BAHCC1: variants seen among roughly 807,000 people sequenced by gnomAD.
BAHCC1 encodes the protein BAH and coiled-coil domain-containing protein 1.
Under a neutral mutation model 88.2 loss-of-function variants are expected in BAHCC1, and 43 were observed. The observed-to-expected ratio is 0.49, with a 90% CI of 0.38 to 0.63. The LOEUF (loss-of-function observed/expected upper bound fraction) is 0.63, where lower values mean the gene tolerates loss of function less well. BAHCC1 is among the 20% of genes least tolerant of loss of function. The probability of loss-of-function intolerance (pLI) is 0.00; values close to 1 mark genes in which losing one functional copy is unlikely to be tolerated. For synonymous variants in BAHCC1, 1,510 were observed against 745.5 expected (o/e 2.03, Z -16.71); for missense variants, 3,023 against 1,654.8 (o/e 1.83, Z -14.34).
Position 81,441,995 on chromosome 17 carries a change from G to T in BAHCC1, c.646G>T (p.Asp216Tyr), listed in dbSNP as rs369843602. 11 of 744,436 alleles carry T rather than the reference G, an allele frequency of 1.5e-5. No individual in the cohort carries two copies. The highest frequency in any genetic ancestry group is 2.8e-5 in the Non-Finnish European group (11 of 395,558). 46.1% of individuals were successfully genotyped at this position (744,436 alleles called of 1,614,324 possible). A position where few individuals can be genotyped will look rare whatever the true frequency, so the allele number is the denominator to read the frequency against. Reference protein sequence around the residue: ...GSLQKGPKDFDRFLVGKELGR... With the variant: ...GSLQKGPKDFYRFLVGKELGR... ...CCTGCAGAAGGGCCCCAAGGACTTC[G>T]ACCGCTTCCTCGTGGGCAAAGAGCT... Residue 216 changes from aspartate to tyrosine, a missense_variant, in exon 5 of 28, where the codon GAC (aspartate) becomes TAC (tyrosine). By Grantham distance (160) the Asp-to-Tyr change is radical (BLOSUM62 -3). Transcript: ENST00000675386.
intron 11 of BAHCC1, among the ~76,000 whole-genome samples, chr17:81,450,236 C>A (rs1040307384): frequency 6.6e-6 from 1 of 152,250 alleles, no homozygotes; most frequent in East Asian, 1.9e-4. Flanking sequence ...CACCCACCCC[C>A]ACCGCAAGGT....
At chr17:81,412,459 A>G (rs1598458000) in intron 2 of BAHCC1, among the ~76,000 whole-genome samples, 1 of 152,242 alleles carries the variant, frequency 6.6e-6, no homozygotes, top group Non-Finnish European at 1.5e-5. Flanking sequence ...TGAGAGTTTG[A>G]TGGTAAATAC....
chr17:81,443,802 T>C lies in BAHCC1; in HGVS notation c.2216-7T>C. 1 of 709,964 alleles carries C rather than the reference T, an allele frequency of 1.4e-6. No individual in the cohort carries two copies. The highest frequency in any genetic ancestry group is 2.6e-6 in the Non-Finnish European group (1 of 384,678). 44.0% of individuals were successfully genotyped at this position (709,964 alleles called of 1,614,324 possible). On this transcript the variant is annotated splice_polypyrimidine_tract_variant and splice_region_variant and intron_variant, in intron 5 of 27. Transcript: ENST00000675386. ...CCTCTCCCGTCTGCTGTCTCGACCC[T>C]GTGCAGGTGGCGGTGGGCCCCGTTC...
chr17:81,415,178 C>T (rs1238505621), intron 2 of BAHCC1, among the ~76,000 whole-genome samples: 3 of 152,244 alleles, frequency 2.0e-5, no homozygotes, highest in East Asian at 1.9e-4. Context: ...CTCTGAGACC[C>T]GTCCGCTGGC....
At position 81,446,275 on chromosome 17, in the gene BAHCC1, CG is replaced by C. The variant is rs149793887; in HGVS notation, c.3163+595del. On this transcript the variant is annotated intron_variant, in intron 10 of 27. Transcript: ENST00000675386. Reference sequence around the variant, plus strand: ...GAGGGTTTTTCCGTTTTTTTCCCTTCGTTTTTTTTTTCTTTTTTTTGCAGTT... The same window carrying C: ...GAGGGTTTTTCCGTTTTTTTCCCTTCTTTTTTTTTTCTTTTTTTTGCAGTT... Among the ~76,000 whole-genome samples, 19 of 152,160 alleles carry C rather than the reference CG, an allele frequency of 1.2e-4. No individual in the cohort carries two copies. In the East Asian group the frequency reaches 3.7e-3, roughly 29 times the overall value.
At chr17:81,400,188 C>T (rs2063796613) in intron 2 of BAHCC1, among the ~76,000 whole-genome samples, 2 of 152,138 alleles carry the variant, frequency 1.3e-5, no homozygotes, top group Admixed American at 6.5e-5. Context: ...TTCCGCGCCT[C>T]GCCACCCTCC....
chr17:81,398,838 CCGCTGG>C (rs1310787338), intron 1 of BAHCC1, among the ~76,000 whole-genome samples: 1 of 151,704 alleles, frequency 6.6e-6, no homozygotes, highest in Non-Finnish European at 1.5e-5. Context: ...GGAGCTGGTC[CCGCTGG>C]GGCTGGGGAG....
chr17:81,447,075 G>A lies in BAHCC1; in HGVS notation c.3203G>A (p.Gly1068Asp), dbSNP rs781907984. 9 of 779,302 alleles carry A rather than the reference G, an allele frequency of 1.2e-5. No homozygotes were observed. Among genetic ancestry groups the A allele is most frequent in the Admixed American group, 1.7e-5 (1 of 59,030 alleles). 48.3% of individuals were successfully genotyped at this position (779,302 alleles called of 1,614,324 possible). A position where few individuals can be genotyped will look rare whatever the true frequency, so the allele number is the denominator to read the frequency against. The stretch of plus-strand genomic sequence containing the variant: ...TACCTGCGCCCCATGGCTGGCCTGG[G>A]CTTCTCCCTACCCTCAGACGTGCAC... ...PGYLRPMAGL[G>D]FSLPSDVHSS... Residue 1068 changes from glycine to aspartate, a missense_variant, in exon 11 of 28, where the codon GGC becomes GAC. Gly to Asp is a moderately conservative substitution (Grantham distance 94). Coordinates refer to ENST00000675386, the MANE Select transcript of BAHCC1 (RefSeq NM_001377448.1).
chr17:81,399,348 G>A lies in BAHCC1; in HGVS notation c.-206-186G>A, dbSNP rs1261554250. The A allele has an allele frequency of 1.3e-5, 2 of 150,128 alleles. No homozygotes were observed. The highest frequency in any genetic ancestry group is 4.9e-5 in the African/African-American group (2 of 40,792). 9.3% of individuals were successfully genotyped at this position (150,128 alleles called of 1,614,324 possible). On this transcript the variant is annotated intron_variant, in intron 1 of 27. Coordinates refer to ENST00000675386, the MANE Select transcript of BAHCC1 (RefSeq NM_001377448.1). This position sits in a 1 kb window ranked among gnomAD's most constrained non-coding sequence, Gnocchi z 4.5. ...TGCGTGCGCGCGCGGGGCCCCGGGT[G>A]CTGGGCTGCGCGCGCGTGCGGCGGG...
chr17:81,446,203 G>A (rs1264814143), intron 10 of BAHCC1, among the ~76,000 whole-genome samples: 4 of 152,138 alleles, frequency 2.6e-5, no homozygotes, highest in African/African-American at 7.2e-5. Flanking sequence ...ACCGTGTGGC[G>A]AACATAAAAC....
chr17:81,423,966 C>T (rs1443598316), intron 2 of BAHCC1, among the ~76,000 whole-genome samples: 2 of 152,216 alleles, frequency 1.3e-5, no homozygotes, highest in Non-Finnish European at 2.9e-5. Context: ...CAGGAAGGAG[C>T]CTCTCGCGGC....
chr17:81,411,474 C>CCCTGCCTG lies in BAHCC1; in HGVS notation c.178+11593_178+11600dup, dbSNP rs869057944. 10,067 of 249,184 alleles carry CCCTGCCTG rather than the reference C, an allele frequency of 0.04. 820 individuals carry two copies. Among genetic ancestry groups the CCCTGCCTG allele is most frequent in the Non-Finnish European group, 0.046 (5,816 of 126,196 alleles). The allele number at this position is 249,184 out of a possible 1,614,324, so 15.4% of individuals were successfully genotyped here. ...CCTTGAGGTCGTCAGCCAGCCCCAC[C>CCCTGCCTG]CCTGCCTGCCTGCCTGCCTGCCTGC... On this transcript the variant is annotated intron_variant, in intron 2 of 27. Transcript: ENST00000675386. This position sits in a 1 kb window ranked among gnomAD's most constrained non-coding sequence, Gnocchi z 6.2.
chr17:81,404,720 A>G (rs921807073), intron 2 of BAHCC1, among the ~76,000 whole-genome samples: 1 of 152,234 alleles, frequency 6.6e-6, no homozygotes, highest in African/African-American at 2.4e-5. Flanking sequence ...TACATATGTC[A>G]TCAGAGCTGG....
rs1178787083 is a variant in BAHCC1 at position 81,435,594 on chromosome 17, C to T, written c.359-2776C>T. The stretch of plus-strand genomic sequence containing the variant: ...TGGAGCCCCGACGTTCTAGCAGGAG[C>T]TTGCAGTTGAGGACCTCTGGCTCTG... On this transcript the variant is annotated intron_variant, in intron 3 of 27. Transcript: ENST00000675386. The surrounding 1 kb of genome is among the most constrained non-coding windows in gnomAD (Gnocchi z 4.4). 2.3e-6 allele frequency: 1 copy of T among 437,464 alleles called. No homozygotes were observed. Among genetic ancestry groups the T allele is most frequent in the Non-Finnish European group, 4.7e-6 (1 of 211,290 alleles). 27.1% of individuals were successfully genotyped at this position (437,464 alleles called of 1,614,324 possible).
chr17:81,437,818 C>T (rs937419267), intron 3 of BAHCC1, among the ~76,000 whole-genome samples: 1 of 151,706 alleles, frequency 6.6e-6, no homozygotes, highest in Non-Finnish European at 1.5e-5. Context: ...GATCTCAGAG[C>T]CGGAAGAGGC....
intron 2 of BAHCC1, among the ~76,000 whole-genome samples, chr17:81,419,941 C>T (rs550194990): frequency 5.3e-5 from 8 of 152,304 alleles, no homozygotes; most frequent in African/African-American, 1.4e-4. Context: ...CCTCTTGTTC[C>T]GTCTGCCTTC....
At chr17:81,415,033 C>T (rs2064001999) in intron 2 of BAHCC1, among the ~76,000 whole-genome samples, 1 of 152,010 alleles carries the variant, frequency 6.6e-6, no homozygotes, top group Non-Finnish European at 1.5e-5. Context: ...TGCACGTTTG[C>T]CCCCTGGTTC....
In BAHCC1 at chr17:81,444,786, GCCCT is replaced by G; in HGVS notation, c.2633_2636del (p.Pro878GlnfsTer95). 1.3e-6 allele frequency: 1 copy of G among 778,552 alleles called. No homozygotes were observed. The allele number at this position is 778,552 out of a possible 1,614,324, so 48.2% of individuals were successfully genotyped here. On this transcript the variant is annotated frameshift_variant, in exon 8 of 28. Transcript: ENST00000675386. LOFTEE classifies it high-confidence loss of function. ...ACGCCCCCACACAGCTGGTCATCCT[GCCCT>G]CAGAGCCCACACCCCACAGCGCCCC... is the stretch of plus-strand genomic sequence containing the variant.
At chr17:81,440,761 C>G (rs1025365986) in intron 4 of BAHCC1, among the ~76,000 whole-genome samples, 2 of 152,312 alleles carry the variant, frequency 1.3e-5, no homozygotes, top group South Asian at 2.1e-4. Context: ...ACACTCACCC[C>G]CCACCAGGCA....
Sources: gnomAD v4.1 joint callset for allele counts (sites outside exome capture counted in the v4.1 genomes callset) on GRCh38, gnomAD v4.1.1 for gene constraint, Gnocchi (gnomAD v3.1) non-coding constraint, MANE v1.5 for transcripts, NCBI Gene and HGNC (gene_info 2026-07-23, HGNC 2026-07-21) for gene names.